TDRP: variants seen among roughly 807,000 people sequenced by gnomAD.
TDRP encodes testis development-related protein.
In TDRP, 12 loss-of-function variants were observed where a neutral mutation model predicts 10.5. The ratio of observed to expected loss-of-function variants is 1.15; its 90% CI spans 0.73 to 1.86. The LOEUF is 1.86. TDRP is among the 40% of genes most tolerant of loss of function. The pLI, the probability that TDRP is intolerant of heterozygous loss-of-function variation, is 0.00. For synonymous variants in TDRP, 139 were observed against 95.4 expected, an observed-to-expected ratio of 1.46 and a Z score of -2.67; for missense variants, 353 against 229.2, an observed-to-expected ratio of 1.54 and a Z score of -3.49.
chr8:499,426 G>A (rs1801225904), intron 1 of TDRP, among the ~76,000 whole-genome samples: 1 of 152,106 alleles, frequency 6.6e-6, no homozygotes, highest in Admixed American at 6.5e-5. Flanking sequence ...CCACACCACT[G>A]TCCCTGTAGC....
rs1375907281 is a variant in TDRP at position 506,004 on chromosome 8, T to C, written c.109-11407A>G. 2.6e-5 allele frequency among the ~76,000 whole-genome samples: 4 copies of C among 152,286 alleles called. No individual in the cohort carries two copies. In the South Asian group the frequency reaches 8.3e-4, roughly 32 times the overall value. ...CTGGAAATGTGGGCATGGACATCAC[T>C]GTGGCCTAATGGCTGGGGGTCTGGG... On this transcript the variant is annotated intron_variant, in intron 1 of 2. Transcript: ENST00000324079.
rs371306174 is a variant in TDRP, at chr8:499,038, C to G, written c.109-4441G>C. Among the ~76,000 whole-genome samples, 187 of 152,258 alleles carry G rather than the reference C, an allele frequency of 1.2e-3. 1 individual carries two copies. Among genetic ancestry groups the G allele is most frequent in the African/African-American group, 4.3e-3 (179 of 41,554 alleles). On this transcript the variant is annotated intron_variant, in intron 1 of 2. Coordinates refer to ENST00000324079, the MANE Select transcript of TDRP (RefSeq NM_001384899.1). ...ATAAATTACCCAGTCTCAGGTAGTT[C>G]TTTACAGCAGTGTGTAAATGGACTA... is the stretch of plus-strand genomic sequence containing the variant.
chr8:497,988 C>T (rs1477763251), intron 1 of TDRP, among the ~76,000 whole-genome samples: 2 of 152,160 alleles, frequency 1.3e-5, no homozygotes, highest in African/African-American at 4.8e-5. Flanking sequence ...GCCTCTGCCT[C>T]GATTTCAGAG....
intron 1 of TDRP, 48 bp from the exon 2 acceptor site, chr8:494,645 A>G: frequency 1.3e-6 from 2 of 1,533,700 alleles, no homozygotes; most frequent in Non-Finnish European, 1.8e-6. Flanking sequence ...ATGAATCAAC[A>G]GAATTCCGCT....
chr8:508,958 G>A (rs1230175161), intron 1 of TDRP, among the ~76,000 whole-genome samples: 1 of 152,178 alleles, frequency 6.6e-6, no homozygotes, highest in East Asian at 1.9e-4. Flanking sequence ...CCAAAACAAA[G>A]GGGCTACAGG....
intron 1 of TDRP, among the ~76,000 whole-genome samples, chr8:531,464 C>G (rs1351859211): frequency 6.6e-6 from 1 of 152,160 alleles, no homozygotes; most frequent in African/African-American, 2.4e-5. Flanking sequence ...TCCATAGGAT[C>G]TGTGCTAATT....
chr8:496,440 A>T (rs145485363), intron 1 of TDRP, among the ~76,000 whole-genome samples: 95 of 152,268 alleles, frequency 6.2e-4, no homozygotes, highest in African/African-American at 2.1e-3. Flanking sequence ...CACGTCCCTC[A>T]CTCTGAGCAA....
chr8:520,554 G>A (rs1436351065), intron 1 of TDRP, among the ~76,000 whole-genome samples: 1 of 152,168 alleles, frequency 6.6e-6, no homozygotes, highest in African/African-American at 2.4e-5. Context: ...ATTGTTACAA[G>A]ATTGCCAACA....
intron 1 of TDRP, among the ~76,000 whole-genome samples, chr8:542,012 C>G (rs1011202352): frequency 6.6e-6 from 1 of 152,128 alleles, no homozygotes; most frequent in Admixed American, 6.5e-5. Context: ...GTGAAAGCAA[C>G]CAACATGCCC....
At chr8:505,069 T>C (rs542475776) in intron 1 of TDRP, among the ~76,000 whole-genome samples, 2 of 152,322 alleles carry the variant, frequency 1.3e-5, no homozygotes, top group East Asian at 3.9e-4. Flanking sequence ...ACACATAACC[T>C]TCAGATAATT....
intron 1 of TDRP, among the ~76,000 whole-genome samples, chr8:514,140 C>A (rs1801690979): frequency 6.6e-6 from 1 of 152,130 alleles, no homozygotes; most frequent in South Asian, 2.1e-4. Flanking sequence ...CCAAAATAAT[C>A]TTGAAAAAGA....
rs73671715 is a variant in TDRP at position 491,997 on chromosome 8, G to A, written c.*402C>T. 3.0e-3 allele frequency: 3,326 copies of A among 1,117,064 alleles called. 76 individuals carry two copies. In the African/African-American group the frequency reaches 0.05, roughly 17 times the overall value. The allele number at this position is 1,117,064 out of a possible 1,614,324, so 69.2% of individuals were successfully genotyped here. ...TTCTAGCAAAAGAAAAGAACTGCAT[G>A]ACAGCTGCATTTATACGTGCTACAT... On this transcript the variant is annotated 3_prime_UTR_variant, in exon 3 of 3. Transcript: ENST00000324079.
rs144753938 is a variant in TDRP, at chr8:512,856, C to G, written c.109-18259G>C. Among the ~76,000 whole-genome samples, 32 of 152,096 alleles carry G rather than the reference C, an allele frequency of 2.1e-4. 1 individual carries two copies. The East Asian group carries it at 5.8e-3, about 28-fold the overall frequency. On this transcript the variant is annotated intron_variant, in intron 1 of 2. Transcript: ENST00000324079. ...GCATGGTGGCATGTGCCTGTAATCC[C>G]AGCTACTCAGGAGGCTGAGGTGGGA...
At chr8:497,251 G>A (rs772854115) in intron 1 of TDRP, among the ~76,000 whole-genome samples, 1 of 152,204 alleles carries the variant, frequency 6.6e-6, no homozygotes. Context: ...CCAAAATGCT[G>A]ACAGTGATAC....
intron 1 of TDRP, among the ~76,000 whole-genome samples, chr8:520,250 C>T (rs1280037757): frequency 6.6e-6 from 1 of 152,210 alleles, no homozygotes; most frequent in Non-Finnish European, 1.5e-5. Flanking sequence ...ATAATATTCT[C>T]AAGTTCATCC....
intron 1 of TDRP, among the ~76,000 whole-genome samples, chr8:525,589 C>T (rs1473536554): frequency 6.6e-6 from 1 of 151,954 alleles, no homozygotes; most frequent in East Asian, 1.9e-4. Context: ...AGTTTTTGCT[C>T]GTTTTTTAAT....
chr8:522,531 G>A (rs573686033), intron 1 of TDRP, among the ~76,000 whole-genome samples: 1 of 152,258 alleles, frequency 6.6e-6, no homozygotes, highest in South Asian at 2.1e-4. Context: ...GTTGTTCCTT[G>A]AAAAGTAAGA....
rs1032825475 is a variant in TDRP, at chr8:519,997, A to T, written c.108+24653T>A. On this transcript the variant is annotated intron_variant, in intron 1 of 2. Coordinates refer to ENST00000324079, the MANE Select transcript of TDRP (RefSeq NM_001384899.1). ...AGCTAAATAAATGCGTGTAAGGCAC[A>T]GAATGGGAAAGAAAGGGAATGGAGG... Among the ~76,000 whole-genome samples the T allele has an allele frequency of 3.3e-5, 5 of 152,378 alleles. No homozygotes were observed. In the Middle Eastern group the frequency reaches 0.01, roughly 311 times the overall value.
chr8:492,034 G>T lies in TDRP; in HGVS notation c.*365C>A. The T allele has an allele frequency of 8.9e-7, 1 of 1,117,614 alleles. No homozygotes were observed. The highest frequency in any genetic ancestry group is 1.1e-6 in the Non-Finnish European group (1 of 916,568). The allele number at this position is 1,117,614 out of a possible 1,614,324, so 69.2% of individuals were successfully genotyped here. A position where few individuals can be genotyped will look rare whatever the true frequency, so the allele number is the denominator to read the frequency against. On this transcript the variant is annotated 3_prime_UTR_variant, in exon 3 of 3. Coordinates refer to ENST00000324079, the MANE Select transcript of TDRP (RefSeq NM_001384899.1). Reference sequence around the variant, plus strand: ...TATACGTGCTACATACAAGAAAAAGGTACGGAAGTTCTGAAACAGAACTAC... The same window carrying T: ...TATACGTGCTACATACAAGAAAAAGTTACGGAAGTTCTGAAACAGAACTAC...
Sources: allele counts gnomAD v4.1 joint callset (sites outside exome capture counted in the v4.1 genomes callset), GRCh38; gene constraint gnomAD v4.1.1; transcripts MANE v1.5; gene names NCBI Gene and HGNC (gene_info 2026-07-23, HGNC 2026-07-21).